RAP1GDS1: variants seen among roughly 807,000 people sequenced by gnomAD.
RAP1GDS1 encodes Rap1 GTPase-GDP dissociation stimulator 1, also known as RAP1, GTP-GDP dissociation stimulator 1.
In RAP1GDS1, 35 loss-of-function variants were observed where a neutral mutation model predicts 71.1. That is an observed-to-expected ratio of 0.49 (90% CI 0.38 to 0.65). RAP1GDS1 has a LOEUF of 0.65. RAP1GDS1 is among the 30% of genes least tolerant of loss of function. The probability of loss-of-function intolerance (pLI) is 0.00; values close to 1 mark genes in which losing one functional copy is unlikely to be tolerated. For missense variants in RAP1GDS1, 663 were observed against 706.1 expected, an observed-to-expected ratio of 0.94 and a Z score of 0.69; for synonymous variants, 229 against 243.1, an observed-to-expected ratio of 0.94 and a Z score of 0.54.
intron 14 of RAP1GDS1, among the ~76,000 whole-genome samples, chr4:98,440,561 TA>T (rs1365887295): frequency 6.6e-5 from 10 of 152,218 alleles, no homozygotes; most frequent in African/African-American, 2.4e-4. Context: ...GGTGGCATCT[TA>T]CTGTGGTTTT....
At chr4:98,380,594 A>C (rs1741860992) in intron 5 of RAP1GDS1, among the ~76,000 whole-genome samples, 1 of 151,826 alleles carries the variant, frequency 6.6e-6, no homozygotes, top group Non-Finnish European at 1.5e-5. Context: ...AAATATGAGA[A>C]ACAGAAAGGA....
chr4:98,391,261 T>C (rs1348775865), intron 5 of RAP1GDS1, among the ~76,000 whole-genome samples: 1 of 152,134 alleles, frequency 6.6e-6, no homozygotes, highest in Non-Finnish European at 1.5e-5. Context: ...CAAGCAATGA[T>C]GACAAGGCCA....
chr4:98,284,199 A>G (rs957978202), intron 1 of RAP1GDS1, among the ~76,000 whole-genome samples: 1 of 152,150 alleles, frequency 6.6e-6, no homozygotes, highest in African/African-American at 2.4e-5. Flanking sequence ...ATATCCATAT[A>G]ATTTTTAAAA....
chr4:98,341,259 C>G (rs1735465922), intron 2 of RAP1GDS1, among the ~76,000 whole-genome samples: 1 of 152,022 alleles, frequency 6.6e-6, no homozygotes, highest in Admixed American at 6.6e-5. Context: ...ATGTTTTTCC[C>G]TTTTATTTCT....
At chr4:98,393,683 G>A (rs1308540531) in intron 6 of RAP1GDS1, among the ~76,000 whole-genome samples, 1 of 152,158 alleles carries the variant, frequency 6.6e-6, no homozygotes, top group Non-Finnish European at 1.5e-5. Flanking sequence ...GTCCAATACA[G>A]TAGCTACCAG....
At chr4:98,435,097 A>G (rs867144100) in intron 13 of RAP1GDS1, among the ~76,000 whole-genome samples, 3 of 152,234 alleles carry the variant, frequency 2.0e-5, no homozygotes, top group Admixed American at 2.0e-4. Context: ...AACACAAAGG[A>G]GGACTTTACA....
At chr4:98,301,904 CA>C (rs1728635029) in intron 2 of RAP1GDS1, among the ~76,000 whole-genome samples, 1 of 152,074 alleles carries the variant, frequency 6.6e-6, no homozygotes, top group African/African-American at 2.4e-5. Context: ...AAGGAAACCA[CA>C]AAATCAGAAG....
At position 98,261,475 on chromosome 4, in the gene RAP1GDS1, G is replaced by A. The variant is rs1320606966; in HGVS notation, c.-91G>A. 2 of 1,349,690 alleles carry A rather than the reference G, an allele frequency of 1.5e-6. No individual in the cohort carries two copies. The highest frequency in any genetic ancestry group is 1.5e-5 in the African/African-American group (1 of 66,722). 83.6% of individuals were successfully genotyped at this position (1,349,690 alleles called of 1,614,324 possible). ...CGCGGGTCCCTCCCTGGCTGCGGGA[G>A]AGACGGAGGTAGAGGGAGGACACAG... On this transcript the variant is annotated 5_prime_UTR_variant, in exon 1 of 15. Coordinates refer to ENST00000408927, the MANE Select transcript of RAP1GDS1 (RefSeq NM_001100427.2).
At chr4:98,439,007 T>C (rs1751547399) in intron 14 of RAP1GDS1, among the ~76,000 whole-genome samples, 2 of 152,228 alleles carry the variant, frequency 1.3e-5, no homozygotes, top group African/African-American at 4.8e-5. Context: ...GAAAACTCTT[T>C]GAAAGAGAAG....
chr4:98,298,586 A>C (rs960451827), intron 2 of RAP1GDS1, among the ~76,000 whole-genome samples: 1 of 152,174 alleles, frequency 6.6e-6, no homozygotes, highest in African/African-American at 2.4e-5. Context: ...TGGTTTACTG[A>C]ATGTTTTAAG....
intron 4 of RAP1GDS1, among the ~76,000 whole-genome samples, chr4:98,367,063 C>A (rs374514422): frequency 1.5e-4 from 23 of 152,290 alleles, no homozygotes; most frequent in African/African-American, 5.1e-4. Context: ...CACAGCAGCC[C>A]CTCCCATCAC....
At position 98,317,354 on chromosome 4, in the gene RAP1GDS1, C is replaced by A. The variant is rs73834428; in HGVS notation, c.112+23839C>A. Among the ~76,000 whole-genome samples the A allele has an allele frequency of 5.0e-3, 754 of 152,190 alleles. 7 individuals carry two copies. The highest frequency in any genetic ancestry group is 0.018 in the South Asian group (86 of 4,816). On this transcript the variant is annotated intron_variant, in intron 2 of 14. Coordinates refer to ENST00000408927, the MANE Select transcript of RAP1GDS1 (RefSeq NM_001100427.2). ...TCCAGAATCAATCTGAAAACCTTTC[C>A]GCACTCATGTTAGGCTGCTATGTAT...
chr4:98,288,550 A>G lies in RAP1GDS1; in HGVS notation c.5-4858A>G, dbSNP rs548846842. ...ATAATCCTTTGGGTATATACCCAGTAATGGGATTGCTGGGTCAAGTGGTAT... is the reference window on the plus strand; with the variant it reads ...ATAATCCTTTGGGTATATACCCAGTGATGGGATTGCTGGGTCAAGTGGTAT... On this transcript the variant is annotated intron_variant, in intron 1 of 14. Transcript: ENST00000408927. Among the ~76,000 whole-genome samples, 7 of 152,240 alleles carry G rather than the reference A, an allele frequency of 4.6e-5. No individual in the cohort carries two copies. The South Asian group carries it at 1.0e-3, about 23-fold the overall frequency.
chr4:98,319,183 G>A (rs1193609544), intron 2 of RAP1GDS1, among the ~76,000 whole-genome samples: 5 of 152,096 alleles, frequency 3.3e-5, no homozygotes, highest in Non-Finnish European at 7.4e-5. Flanking sequence ...TGTCTTGTTA[G>A]CCATTTGCTT....
chr4:98,371,919 C>T (rs2056870397), intron 4 of RAP1GDS1, among the ~76,000 whole-genome samples: 1 of 152,028 alleles, frequency 6.6e-6, no homozygotes, highest in Admixed American at 6.6e-5. Flanking sequence ...TGCTTTTTTA[C>T]CCAATCTGAC....
chr4:98,348,756 A>G (rs1244341931), intron 3 of RAP1GDS1, among the ~76,000 whole-genome samples: 1 of 152,122 alleles, frequency 6.6e-6, no homozygotes, highest in African/African-American at 2.4e-5. Flanking sequence ...TTGGCTGCAT[A>G]AATGTTTTCT....
chr4:98,317,277 T>C (rs1197985392), intron 2 of RAP1GDS1, among the ~76,000 whole-genome samples: 1 of 152,162 alleles, frequency 6.6e-6, no homozygotes, highest in African/African-American at 2.4e-5. Context: ...GCATTTGTCG[T>C]AGGTATTAGG....
chr4:98,438,878 G>A (rs1278018230), intron 14 of RAP1GDS1, among the ~76,000 whole-genome samples: 11 of 151,912 alleles, frequency 7.2e-5, no homozygotes, highest in Non-Finnish European at 1.5e-5. Context: ...TGGGATTACA[G>A]GTGTGAGCCA....
intron 2 of RAP1GDS1, among the ~76,000 whole-genome samples, chr4:98,303,924 G>T (rs1245817270): frequency 1.3e-5 from 2 of 151,864 alleles, no homozygotes; most frequent in Non-Finnish European, 2.9e-5. Flanking sequence ...TCTTTGTTCA[G>T]CTCCCACTTA....
Sources: allele counts gnomAD v4.1 joint callset (sites outside exome capture counted in the v4.1 genomes callset), GRCh38; gene constraint gnomAD v4.1.1; transcripts MANE v1.5; gene names NCBI Gene and HGNC (gene_info 2026-07-23, HGNC 2026-07-21).